AP1G1: variants seen among roughly 807,000 people sequenced by gnomAD.
AP1G1 encodes adaptor related protein complex 1 subunit gamma 1, also known as AP-1 complex subunit gamma-1.
In AP1G1, 7 loss-of-function variants were observed where a neutral mutation model predicts 108.3. The observed-to-expected ratio is 0.06, with a 90% CI of 0.04 to 0.12. AP1G1 has a LOEUF of 0.12. Ranked by LOEUF, AP1G1 falls within the 10% of genes least tolerant of loss-of-function variation. The probability of loss-of-function intolerance (pLI) is 1.00; values close to 1 mark genes in which losing one functional copy is unlikely to be tolerated. For missense variants in AP1G1, 756 were observed against 1,010.7 expected, an observed-to-expected ratio of 0.75 and a Z score of 3.42; for synonymous variants, 379 against 353.5, an observed-to-expected ratio of 1.07 and a Z score of -0.81.
At chr16:71,739,595 T>A (rs908207501) in intron 19 of AP1G1, among the ~76,000 whole-genome samples, 4 of 150,948 alleles carry the variant, frequency 2.6e-5, no homozygotes, top group African/African-American at 7.3e-5. Flanking sequence ...CAAAAAAAAA[T>A]ACAAAAATTA....
intron 12 of AP1G1, among the ~76,000 whole-genome samples, chr16:71,755,311 C>T (rs776294811): frequency 1.3e-5 from 2 of 152,008 alleles, no homozygotes; most frequent in Admixed American, 1.3e-4. Context: ...GTGGCGTAAG[C>T]CTATGGTCCC....
chr16:71,752,732 C>T (rs1196319330), intron 13 of AP1G1, among the ~76,000 whole-genome samples: 2 of 152,138 alleles, frequency 1.3e-5, no homozygotes, highest in Non-Finnish European at 1.5e-5. Context: ...AAAAAGATGG[C>T]ATCATCCTAT....
chr16:71,779,346 T>G (rs1445045813), intron 2 of AP1G1, among the ~76,000 whole-genome samples: 4 of 151,910 alleles, frequency 2.6e-5, no homozygotes, highest in African/African-American at 4.8e-5. Context: ...CTCTCTTTTT[T>G]GGGGAGTAGG....
At chr16:71,790,520 T>G (rs1427922451) in intron 1 of AP1G1, among the ~76,000 whole-genome samples, 1 of 116,398 alleles carries the variant, frequency 8.6e-6, no homozygotes, top group African/African-American at 3.2e-5. Flanking sequence ...AGAGTGAAAC[T>G]CCATCTCAAA....
At chr16:71,790,958 C>T (rs983782627) in intron 1 of AP1G1, among the ~76,000 whole-genome samples, 3 of 152,154 alleles carry the variant, frequency 2.0e-5, no homozygotes, top group African/African-American at 4.8e-5. Flanking sequence ...CAGTGGCTCA[C>T]GCCTTTAATG....
At position 71,735,109 on chromosome 16, in the gene AP1G1, CA is replaced by C. The variant is rs562839143; in HGVS notation, c.2269-403del. 9.3e-3 allele frequency among the ~76,000 whole-genome samples: 1,421 copies of C among 152,250 alleles called. 11 individuals are homozygous for C. The highest frequency in any genetic ancestry group is 0.013 in the Non-Finnish European group (877 of 68,020). Reference sequence around the variant, plus strand: ...GAAAGAAATGAAAAGAAAAGCTTCCCAAAAATAGCAAACCAACATACTGGTC... The same window carrying C: ...GAAAGAAATGAAAAGAAAAGCTTCCCAAAATAGCAAACCAACATACTGGTC... On this transcript the variant is annotated intron_variant, in intron 21 of 22. Transcript: ENST00000299980.
rs2030125071 is a variant in AP1G1 at position 71,745,483 on chromosome 16, G to C, written c.1862C>G (p.Pro621Arg). Residue 621 changes from proline (P) to arginine (R), a missense_variant, in exon 18 of 23, where the codon CCC becomes CGC. Coordinates refer to ENST00000299980, the MANE Select transcript of AP1G1 (RefSeq NM_001128.6). ...TGAAAGGCTGGCTACCTGGCTGGTG[G>C]GCTGTGGCCCAGAGGGTGGCGGTTT... Reference protein sequence around the residue: ...ETKPPPSGPQPTSQANDLLDL... With the variant: ...ETKPPPSGPQRTSQANDLLDL... 1 of 1,614,044 alleles carries C rather than the reference G, an allele frequency of 6.2e-7. No individual in the cohort carries two copies. Among genetic ancestry groups the C allele is most frequent in the South Asian group, 1.1e-5 (1 of 91,090 alleles).
In AP1G1 at chr16:71,764,264, G is replaced by A. The variant is rs141331163; in HGVS notation, c.918+86C>T. 1.3e-3 allele frequency: 958 copies of A among 714,558 alleles called. 7 individuals carry two copies. In the African/African-American group the frequency reaches 0.015, roughly 11 times the overall value. The allele number at this position is 714,558 out of a possible 1,614,324, so 44.3% of individuals were successfully genotyped here. On this transcript the variant is annotated intron_variant, in intron 9 of 22. Transcript: ENST00000299980. ...CTTTCTTAAAGTCGAGTTCCAAATG[G>A]AATACAATTCTGAAGTACTGAAGTC...
Position 71,739,017 on chromosome 16 carries a change from T to G in AP1G1, c.2193A>C (p.Thr731=). 1 of 1,614,208 alleles carries G rather than the reference T, an allele frequency of 6.2e-7. No homozygotes were observed. Among genetic ancestry groups the G allele is most frequent in the Non-Finnish European group, 8.5e-7 (1 of 1,180,012 alleles). ...TGTTGGAGGCCTGTATCGTTATCAC[T>G]GTTACACTGGGGTTGGTATTTGACC... is the stretch of plus-strand genomic sequence containing the variant. ...FERSNTNPSV[T]VITIQASNST... is the part of the protein sequence containing the mutation. The change falls in exon 21 of 23, where the codon ACA becomes ACC. Residue 731 remains threonine (T), a synonymous_variant. Transcript: ENST00000299980.
intron 10 of AP1G1, among the ~76,000 whole-genome samples, chr16:71,760,281 G>A (rs1037636698): frequency 1.1e-4 from 16 of 147,098 alleles, no homozygotes; most frequent in African/African-American, 3.5e-4. Context: ...GGTGGCTCAC[G>A]CCTGTAATCC....
At chr16:71,808,369 C>CA in intron 1 of AP1G1, 1 of 888,350 alleles carries the variant, frequency 1.1e-6, no homozygotes, top group African/African-American at 1.8e-5. Context: ...GACACGGGTA[C>CA]AAGACACAAG....
At chr16:71,767,116 A>G (rs546127216) in intron 6 of AP1G1, among the ~76,000 whole-genome samples, 1 of 152,284 alleles carries the variant, frequency 6.6e-6, no homozygotes, top group Non-Finnish European at 1.5e-5. Context: ...TTCTTGGAAA[A>G]GTCATTTTTC....
intron 19 of AP1G1, chr16:71,743,017 T>C (rs761727403): frequency 6.6e-6 from 1 of 151,878 alleles, no homozygotes; most frequent in Non-Finnish European, 1.5e-5. Context: ...ACTAACGAAC[T>C]GAGTAAACAG....
rs367955430 is a variant in AP1G1, at chr16:71,803,883, C to T, written c.-4+4880G>A. Among the ~76,000 whole-genome samples the T allele has an allele frequency of 3.4e-4, 49 of 142,650 alleles. No individual in the cohort carries two copies. In the South Asian group the frequency reaches 0.011, roughly 31 times the overall value. 93.6% of individuals were successfully genotyped at this position (142,650 alleles called of 152,430 possible). ...AGGTTGCAGTAAGCAGAGATGGCTC[C>T]GATGCACTCCAGCCTGGGCAACAGA... On this transcript the variant is annotated intron_variant, in intron 1 of 22. Coordinates refer to ENST00000299980, the MANE Select transcript of AP1G1 (RefSeq NM_001128.6).
chr16:71,770,105 G>A (rs1232581127), intron 5 of AP1G1, among the ~76,000 whole-genome samples: 1 of 152,096 alleles, frequency 6.6e-6, no homozygotes, highest in African/African-American at 2.4e-5. Context: ...TACATTTCCA[G>A]ATAAAACGCA....
At chr16:71,782,612 G>A (rs958386570) in intron 2 of AP1G1, among the ~76,000 whole-genome samples, 1 of 151,900 alleles carries the variant, frequency 6.6e-6, no homozygotes, top group Non-Finnish European at 1.5e-5. Flanking sequence ...TCAGTCTCCT[G>A]AGTAGCTGGG....
At chr16:71,787,973 C>A (rs1209121349) in intron 2 of AP1G1, among the ~76,000 whole-genome samples, 1 of 152,188 alleles carries the variant, frequency 6.6e-6, no homozygotes, top group African/African-American at 2.4e-5. Flanking sequence ...GGCTCCTTTT[C>A]TTTTGATCCA....
chr16:71,785,787 A>C (rs556602662), intron 2 of AP1G1, among the ~76,000 whole-genome samples: 1 of 151,946 alleles, frequency 6.6e-6, no homozygotes, highest in East Asian at 1.9e-4. Flanking sequence ...GAGGCTGAGG[A>C]AGGAGAATGG....
chr16:71,769,203 A>C (rs2031469809), intron 6 of AP1G1, among the ~76,000 whole-genome samples: 1 of 151,824 alleles, frequency 6.6e-6, no homozygotes. Context: ...GAATCACTTG[A>C]ACCCAGGAGG....
Sources: gnomAD v4.1 joint callset for allele counts (sites outside exome capture counted in the v4.1 genomes callset) on GRCh38, gnomAD v4.1.1 for gene constraint, MANE v1.5 for transcripts, NCBI Gene and HGNC (gene_info 2026-07-23, HGNC 2026-07-21) for gene names.